Variants in SPAST observed in about 807,000 individuals in gnomAD.
SPAST encodes the protein spastin, also known as spastic paraplegia 4 (autosomal dominant; spastin).
In SPAST, 30 loss-of-function variants were observed where a neutral mutation model predicts 76.6. That is an observed-to-expected ratio of 0.39 (90% CI 0.29 to 0.53). The LOEUF is 0.53. Among genes scored for constraint, SPAST ranks in the 20% least tolerant of loss-of-function variants. SPAST has a pLI of 0.68. For synonymous variants in SPAST, 305 were observed against 281.0 expected, an observed-to-expected ratio of 1.09 and a Z score of -0.86; for missense variants, 717 against 770.5, an observed-to-expected ratio of 0.93 and a Z score of 0.82.
intron 1 of SPAST, among the ~76,000 whole-genome samples, chr2:32,076,058 G>A (rs934869111): frequency 6.6e-6 from 1 of 151,274 alleles, no homozygotes; most frequent in Non-Finnish European, 1.5e-5. Flanking sequence ...GCGCCACCAC[G>A]CCTGGCTAAT....
chr2:32,064,292 C>CCCGGGGAAGAGGGG, intron 1 of SPAST, 46 bp downstream of exon 1: 1 of 284,174 alleles, frequency 3.5e-6, no homozygotes, highest in Non-Finnish European at 6.3e-6. Context: ...GGGAAGAAGG[C>CCCGGGGAAGAGGGG]GGTGGGGTCG....
At chr2:32,077,582 C>G (rs1272246823) in intron 1 of SPAST, among the ~76,000 whole-genome samples, 1 of 152,076 alleles carries the variant, frequency 6.6e-6, no homozygotes, top group African/African-American at 2.4e-5. Flanking sequence ...ACTGACTTTT[C>G]CAAAATCATA....
At chr2:32,100,106 G>A (rs1275305938) in intron 4 of SPAST, among the ~76,000 whole-genome samples, 1 of 152,078 alleles carries the variant, frequency 6.6e-6, no homozygotes, top group Non-Finnish European at 1.5e-5. Flanking sequence ...CATAGTAGCT[G>A]TACTAGTTTA....
chr2:32,137,769 G>A (rs1213439192), intron 12 of SPAST, among the ~76,000 whole-genome samples: 3 of 152,104 alleles, frequency 2.0e-5, no homozygotes, highest in African/African-American at 7.2e-5. Flanking sequence ...CAGGTAGTGA[G>A]CATAGGGTGC....
intron 1 of SPAST, among the ~76,000 whole-genome samples, chr2:32,078,614 C>T (rs2148700746): frequency 6.6e-6 from 1 of 152,270 alleles, no homozygotes; most frequent in East Asian, 1.9e-4. Flanking sequence ...AATGGCATTG[C>T]ACTCCAGCTT....
At chr2:32,153,941 G>C (rs1451419989) in intron 16 of SPAST, among the ~76,000 whole-genome samples, 1 of 152,114 alleles carries the variant, frequency 6.6e-6, no homozygotes, top group Non-Finnish European at 1.5e-5. Context: ...GCTGGGCATG[G>C]AGGCATGTGC....
At chr2:32,153,899 A>T (rs1188197712) in intron 16 of SPAST, among the ~76,000 whole-genome samples, 1 of 152,122 alleles carries the variant, frequency 6.6e-6, no homozygotes, top group African/African-American at 2.4e-5. Context: ...CATCATGGCG[A>T]AACCCTGTCT....
At chr2:32,069,062 A>C (rs1479191456) in intron 1 of SPAST, among the ~76,000 whole-genome samples, 2 of 151,920 alleles carry the variant, frequency 1.3e-5, no homozygotes, top group African/African-American at 4.8e-5. Flanking sequence ...AAAATACAAA[A>C]ATTAGCTGGG....
chr2:32,124,539 A>G (rs893021054), intron 7 of SPAST, among the ~76,000 whole-genome samples: 2 of 152,192 alleles, frequency 1.3e-5, no homozygotes, highest in African/African-American at 4.8e-5. Flanking sequence ...CTTACTCCTT[A>G]GTATTTACCC....
At chr2:32,153,426 C>T (rs1237528367) in intron 16 of SPAST, among the ~76,000 whole-genome samples, 2 of 149,212 alleles carry the variant, frequency 1.3e-5, no homozygotes, top group African/African-American at 2.5e-5. Flanking sequence ...CAGGTTCAAG[C>T]GATTCTCCTG....
At chr2:32,102,115 T>C (rs1358550256) in intron 4 of SPAST, among the ~76,000 whole-genome samples, 1 of 152,234 alleles carries the variant, frequency 6.6e-6, no homozygotes, top group East Asian at 1.9e-4. Flanking sequence ...AAGCATGGAA[T>C]GTTCTTCCAT....
chr2:32,139,029 T>C (rs1457585766), intron 12 of SPAST, among the ~76,000 whole-genome samples: 21 of 152,196 alleles, frequency 1.4e-4, no homozygotes, highest in Admixed American at 1.3e-3. Context: ...TGTGTCTGTT[T>C]TTATACCAGA....
chr2:32,113,465 G>A (rs2148731711), intron 4 of SPAST, among the ~76,000 whole-genome samples: 1 of 151,446 alleles, frequency 6.6e-6, no homozygotes, highest in Non-Finnish European at 1.5e-5. Context: ...TGGAATCAAA[G>A]TAGTCGAGTG....
chr2:32,111,331 C>A lies in SPAST; in HGVS notation c.683-3307C>A, dbSNP rs34286656. 6.8e-4 allele frequency among the ~76,000 whole-genome samples: 79 copies of A among 116,552 alleles called. 3 individuals are homozygous for A. Among genetic ancestry groups the A allele is most frequent in the Admixed American group, 2.5e-3 (29 of 11,510 alleles). 76.5% of individuals were successfully genotyped at this position (116,552 alleles called of 152,430 possible). A position where few individuals can be genotyped will look rare whatever the true frequency, so the allele number is the denominator to read the frequency against. On this transcript the variant is annotated intron_variant, in intron 4 of 16. Transcript: ENST00000315285. ...ACAGTATACTGTATAGTGTGTATAG[C>A]GTATATATACAGTATACTGTATAGT...
At chr2:32,143,465 A>G (rs1357431037) in intron 14 of SPAST, 50 bp downstream of exon 14, 1 of 1,103,110 alleles carries the variant, frequency 9.1e-7, no homozygotes, top group East Asian at 2.5e-5. Flanking sequence ...TATTTTTTGT[A>G]AATAATTCTT....
At chr2:32,098,680 T>C in intron 3 of SPAST, 116 bp from the exon 4 acceptor site, 1 of 662,364 alleles carries the variant, frequency 1.5e-6, no homozygotes, top group South Asian at 1.9e-5. Context: ...CTTTTTATCA[T>C]GTAACAATCT....
intron 15 of SPAST, among the ~76,000 whole-genome samples, chr2:32,146,045 G>C (rs1293131172): frequency 1.3e-5 from 2 of 152,204 alleles, no homozygotes; most frequent in East Asian, 3.8e-4. Flanking sequence ...ATAGGGTGCT[G>C]ATTAAGAACT....
chr2:32,070,682 T>C (rs1676713566), intron 1 of SPAST, among the ~76,000 whole-genome samples: 1 of 152,118 alleles, frequency 6.6e-6, no homozygotes, highest in African/African-American at 2.4e-5. Flanking sequence ...CAGGCTGGAG[T>C]GCAATGACAC....
At chr2:32,081,966 C>G (rs1677248680) in intron 1 of SPAST, among the ~76,000 whole-genome samples, 1 of 147,730 alleles carries the variant, frequency 6.8e-6, no homozygotes, top group South Asian at 2.1e-4. Context: ...CTAATCCCTT[C>G]AAACAGATGT....
Sources: gnomAD v4.1 joint callset for allele counts (sites outside exome capture counted in the v4.1 genomes callset) on GRCh38, gnomAD v4.1.1 for gene constraint, MANE v1.5 for transcripts, NCBI Gene and HGNC (gene_info 2026-07-23, HGNC 2026-07-21) for gene names.